Variants in ZNF141 observed in about 807,000 individuals in gnomAD.
ZNF141 encodes zinc finger protein 141 (clone pHZ-44).
ZNF141 carries 7 observed loss-of-function variants against 11.3 expected under a neutral mutation model. The ratio of observed to expected loss-of-function variants is 0.62; its 90% CI spans 0.35 to 1.16. The LOEUF (loss-of-function observed/expected upper bound fraction) is 1.16. ZNF141 is among the 50% of genes most tolerant of loss of function. The pLI is 0.02. For synonymous variants in ZNF141, 183 were observed against 190.7 expected (o/e 0.96, Z 0.33); for missense variants, 535 against 554.0 (o/e 0.97, Z 0.34).
intron 1 of ZNF141, among the ~76,000 whole-genome samples, chr4:340,844 C>A (rs1392969674): frequency 6.6e-6 from 1 of 152,194 alleles, no homozygotes; most frequent in Non-Finnish European, 1.5e-5. Flanking sequence ...CAATCACTAA[C>A]CAATGTTACT....
rs139480442 is a variant in ZNF141, at chr4:378,490, G to A, written c.*4628G>A. The stretch of plus-strand genomic sequence containing the variant: ...TCACCATGTTGGCCAGGATGGTCTC[G>A]ATCTTTTGACCTCATGATCTGCCTG... On this transcript the variant is annotated 3_prime_UTR_variant, in exon 4 of 4. Transcript: ENST00000240499. Among the ~76,000 whole-genome samples the A allele has an allele frequency of 3.9e-3, 590 of 152,120 alleles. 5 individuals are homozygous for A. The highest frequency in any genetic ancestry group is 0.013 in the African/African-American group (547 of 41,516).
chr4:347,339 GT>G (rs572417264), intron 3 of ZNF141, among the ~76,000 whole-genome samples: 22,136 of 116,044 alleles, frequency 0.19, 1,818 homozygotes, highest in Middle Eastern at 0.26. Context: ...GCCCGGCCAA[GT>G]TTTTTTTTTT....
chr4:359,199 C>T lies in ZNF141; in HGVS notation c.227-13465C>T, dbSNP rs148657501. Among the ~76,000 whole-genome samples the T allele has an allele frequency of 7.4e-3, 1,119 of 152,230 alleles. 11 individuals carry two copies. Among genetic ancestry groups the T allele is most frequent in the Middle Eastern group, 0.071 (21 of 294 alleles). On this transcript the variant is annotated intron_variant, in intron 3 of 3. Transcript: ENST00000240499. Reference sequence around the variant, plus strand: ...TACTGGGTCTACAGTGAAGTTAATGCTTGGCAGACCTGTTATTTAAGCATC... The same window carrying T: ...TACTGGGTCTACAGTGAAGTTAATGTTTGGCAGACCTGTTATTTAAGCATC...
At chr4:343,666 A>G in intron 1 of ZNF141, 116 bp from the exon 2 acceptor site, 3 of 1,184,568 alleles carry the variant, frequency 2.5e-6, no homozygotes, top group Non-Finnish European at 3.3e-6. Flanking sequence ...CGGAGCTTGC[A>G]GTGAGCCGAG....
Position 380,141 on chromosome 4 carries a change from ATT to A in ZNF141, c.*6280_*6281del, listed in dbSNP as rs782774513. 1.3e-5 allele frequency among the ~76,000 whole-genome samples: 2 copies of A among 152,072 alleles called. No individual in the cohort carries two copies. Among genetic ancestry groups the A allele is most frequent in the South Asian group, 4.1e-4 (2 of 4,824 alleles). On this transcript the variant is annotated 3_prime_UTR_variant, in exon 4 of 4. Transcript: ENST00000240499. ...CATAGTGTCTTCCACATTTATCCAC[ATT>A]GTTTCAAATGAAAAGATTTCCTCCC...
At chr4:351,740 A>G (rs1553850472) in intron 3 of ZNF141, among the ~76,000 whole-genome samples, 1 of 152,152 alleles carries the variant, frequency 6.6e-6, no homozygotes, top group African/African-American at 2.4e-5. Context: ...TGATTCTGCC[A>G]AAGCAGGTCA....
At chr4:363,786 C>T (rs1350992122) in intron 3 of ZNF141, among the ~76,000 whole-genome samples, 1 of 149,604 alleles carries the variant, frequency 6.7e-6, no homozygotes, top group Non-Finnish European at 1.5e-5. Flanking sequence ...GGGGGGAATG[C>T]TTCTAGTTTT....
At chr4:342,975 A>G (rs1721121488) in intron 1 of ZNF141, 2 of 1,401,854 alleles carry the variant, frequency 1.4e-6, no homozygotes, top group African/African-American at 1.4e-5. Context: ...TATTTTTTAA[A>G]ATCAGTTCCT....
At position 343,878 on chromosome 4, in the gene ZNF141, T is replaced by C; in HGVS notation, c.100T>C (p.Leu34=). 1.2e-6 allele frequency: 2 copies of C among 1,609,408 alleles called. No homozygotes were observed. Among genetic ancestry groups the C allele is most frequent in the African/African-American group, 1.3e-5 (1 of 74,634 alleles). ...DQQNLYRDVM[L]ENYRNLVSLG... is the part of the protein sequence containing the mutation. ...GCAGAATTTGTATAGAGATGTGATGTTGGAGAACTACAGGAACCTGGTCTC... is the reference window on the plus strand; with the variant it reads ...GCAGAATTTGTATAGAGATGTGATGCTGGAGAACTACAGGAACCTGGTCTC... Residue 34 remains leucine, a synonymous_variant, in exon 2 of 4, where the codon TTG becomes CTG. Transcript: ENST00000240499.
chr4:369,773 T>TTA (rs1711964972), intron 3 of ZNF141, among the ~76,000 whole-genome samples: 1 of 115,612 alleles, frequency 8.6e-6, no homozygotes, highest in Non-Finnish European at 1.7e-5. Flanking sequence ...TATTTTTTTT[T>TTA]TTTTTTTTTT....
chr4:356,672 A>G (rs945663297), intron 3 of ZNF141, among the ~76,000 whole-genome samples: 1 of 152,196 alleles, frequency 6.6e-6, no homozygotes, highest in East Asian at 1.9e-4. Flanking sequence ...TTGAGGGGAC[A>G]CTAAAACCAT....
rs571975056 is a variant in ZNF141, at chr4:358,272, C to T, written c.226+13842C>T. On this transcript the variant is annotated intron_variant, in intron 3 of 3. Coordinates refer to ENST00000240499, the MANE Select transcript of ZNF141 (RefSeq NM_003441.4). ...GCACGATCTTGGCTGACTGCAACCT[C>T]TACCTCCCGAGTTCAAGTGATTCTC... The T allele has an allele frequency of 6.8e-5, 26 of 382,476 alleles. 1 individual carries two copies. Among genetic ancestry groups the T allele is most frequent in the South Asian group, 1.5e-4 (8 of 53,300 alleles). The allele number at this position is 382,476 out of a possible 1,614,324, so 23.7% of individuals were successfully genotyped here. A position where few individuals can be genotyped will look rare whatever the true frequency, so the allele number is the denominator to read the frequency against.
At chr4:348,096 G>T (rs1045250027) in intron 3 of ZNF141, among the ~76,000 whole-genome samples, 1 of 151,860 alleles carries the variant, frequency 6.6e-6, no homozygotes, top group Non-Finnish European at 1.5e-5. Flanking sequence ...TGCCTGCCTC[G>T]GCCTCCCAAA....
rs782278832 is a variant in ZNF141, at chr4:373,775, T to C, written c.1338T>C (p.Thr446=). Residue 446 remains threonine (T), a synonymous_variant, in exon 4 of 4, where the codon ACT becomes ACC. Coordinates refer to ENST00000240499, the MANE Select transcript of ZNF141 (RefSeq NM_003441.4). ...TGAGTCAACATAAGAAAATTCATAC[T>C]GTAGATAAACCCTACAAATGTAAAG... ...SLLSQHKKIH[T]VDKPYKCKDC... The C allele has an allele frequency of 2.5e-6, 4 of 1,614,198 alleles. No individual in the cohort carries two copies. The highest frequency in any genetic ancestry group is 3.4e-6 in the Non-Finnish European group (4 of 1,180,004).
At chr4:368,259 C>T (rs1226848578) in intron 3 of ZNF141, among the ~76,000 whole-genome samples, 1 of 151,390 alleles carries the variant, frequency 6.6e-6, no homozygotes, top group Non-Finnish European at 1.5e-5. Flanking sequence ...TTTTTTGAGA[C>T]AGAGTCTTGC....
intron 3 of ZNF141, 48 bp downstream of exon 3, chr4:344,478 G>T: frequency 6.5e-7 from 1 of 1,531,750 alleles, no homozygotes; most frequent in Non-Finnish European, 8.9e-7. Flanking sequence ...GGGACCAAAG[G>T]TCAAGAAGGA....
chr4:369,754 ATATATATATATTTT>A (rs1457175678), intron 3 of ZNF141, among the ~76,000 whole-genome samples: 3 of 35,496 alleles, frequency 8.5e-5, no homozygotes, highest in Admixed American at 6.7e-4. Context: ...ATATATATAT[ATATATATATATTTT>A]TTTTTTTTTT....
At chr4:358,766 C>T (rs541740335) in intron 3 of ZNF141, among the ~76,000 whole-genome samples, 9 of 150,422 alleles carry the variant, frequency 6.0e-5, no homozygotes, top group Non-Finnish European at 7.4e-5. Flanking sequence ...TTAGTAGAGA[C>T]GGTTTCACCA....
In ZNF141 at chr4:380,068, C is replaced by T. The variant is rs553034759; in HGVS notation, c.*6206C>T. Reference sequence around the variant, plus strand: ...CCAGATGCCCCTTTCTTGTAAATACCCAAGCATCTGGTAACCAGCATTCTA... The same window carrying T: ...CCAGATGCCCCTTTCTTGTAAATACTCAAGCATCTGGTAACCAGCATTCTA... On this transcript the variant is annotated 3_prime_UTR_variant, in exon 4 of 4. Coordinates refer to ENST00000240499, the MANE Select transcript of ZNF141 (RefSeq NM_003441.4). Among the ~76,000 whole-genome samples the T allele has an allele frequency of 4.6e-5, 7 of 152,254 alleles. No individual in the cohort carries two copies. Among genetic ancestry groups the T allele is most frequent in the African/African-American group, 1.7e-4 (7 of 41,540 alleles).
Sources: gnomAD v4.1 joint callset for allele counts (sites outside exome capture counted in the v4.1 genomes callset) on GRCh38, gnomAD v4.1.1 for gene constraint, MANE v1.5 for transcripts, NCBI Gene and HGNC (gene_info 2026-07-23, HGNC 2026-07-21) for gene names.